Variants in CSMD3 observed in about 807,000 individuals in gnomAD.
The protein encoded by CSMD3 is CUB and Sushi multiple domains 3.
Under a neutral mutation model 435.2 loss-of-function variants are expected in CSMD3, and 177 were observed. The observed-to-expected ratio is 0.41, with a 90% CI of 0.36 to 0.46. The LOEUF (loss-of-function observed/expected upper bound fraction) is 0.46, where lower values mean the gene tolerates loss of function less well. CSMD3 is among the 20% of genes least tolerant of loss of function. The pLI is 0.34. For missense variants in CSMD3, 4,265 were observed against 4,504.6 expected (o/e 0.95, Z 1.52); for synonymous variants, 1,656 against 1,520.5 (o/e 1.09, Z -2.07).
chr8:113,038,180 T>C (rs775905497), intron 5 of CSMD3, among the ~76,000 whole-genome samples: 7 of 152,108 alleles, frequency 4.6e-5, no homozygotes, highest in Admixed American at 2.0e-4. Context: ...TATTTAAAGA[T>C]ATCAAAGATG....
At chr8:113,236,255 A>G (rs2093147638) in intron 3 of CSMD3, among the ~76,000 whole-genome samples, 1 of 152,184 alleles carries the variant, frequency 6.6e-6, no homozygotes, top group Non-Finnish European at 1.5e-5. Context: ...ATATGTATAT[A>G]CAGCTACCAT....
Position 112,319,983 on chromosome 8 carries a change from T to C in CSMD3, c.7166-2A>G. The stretch of plus-strand genomic sequence containing the variant: ...GTTGGCACACCCTTAGTTGATAGGC[T>C]ACAAAAATAAACAAAGTGTTTATTC... On this transcript the variant is annotated splice_acceptor_variant, in intron 45 of 70. Transcript: ENST00000297405. LOFTEE classifies it high-confidence loss of function. The C allele has an allele frequency of 6.2e-7, 1 of 1,604,448 alleles. No individual in the cohort carries two copies. The highest frequency in any genetic ancestry group is 8.5e-7 in the Non-Finnish European group (1 of 1,171,534).
chr8:112,378,794 A>G (rs1039994443), intron 38 of CSMD3, among the ~76,000 whole-genome samples: 6 of 151,996 alleles, frequency 3.9e-5, no homozygotes, highest in African/African-American at 1.5e-4. Flanking sequence ...TAATGAGAAG[A>G]AAGATTTGAA....
chr8:113,118,018 T>C (rs2090887161), intron 4 of CSMD3, among the ~76,000 whole-genome samples: 3 of 152,212 alleles, frequency 2.0e-5, no homozygotes, highest in Non-Finnish European at 2.9e-5. Context: ...ACTTTTTGGG[T>C]TACTGCTGGA....
At chr8:112,422,070 T>G (rs533919627) in intron 32 of CSMD3, among the ~76,000 whole-genome samples, 1 of 152,250 alleles carries the variant, frequency 6.6e-6, no homozygotes, top group Non-Finnish European at 1.5e-5. Flanking sequence ...GCCATTATCC[T>G]ATAGAGCATG....
rs1348372022 is a variant in CSMD3, at chr8:112,975,912, G to A, written c.1267C>T (p.Gln423Ter). 1 of 1,613,862 alleles carries A rather than the reference G, an allele frequency of 6.2e-7. No individual in the cohort carries two copies. The highest frequency in any genetic ancestry group is 8.5e-7 in the Non-Finnish European group (1 of 1,179,938). The change falls in exon 7 of 71, where the codon CAA (glutamine) becomes TAA (stop). Residue 423 changes from glutamine (Q) to a stop codon, truncating the protein, a stop_gained. Coordinates refer to ENST00000297405, the MANE Select transcript of CSMD3 (RefSeq NM_198123.2). LOFTEE classifies it high-confidence loss of function. ...TGTCTTGGTCTTCTCCTGGTACTTT[G>A]TGTATCTGCTGGATGAGGAGAGAGC... Reference protein sequence around the residue: ...DGLSPHPADTQSTRRRPRHAE... With the variant: ...DGLSPHPADT
chr8:112,411,969 A>T (rs898840594), intron 32 of CSMD3, among the ~76,000 whole-genome samples: 4 of 152,130 alleles, frequency 2.6e-5, no homozygotes, highest in Admixed American at 2.6e-4. Context: ...GTATAATGCA[A>T]TGGATTATTG....
intron 13 of CSMD3, among the ~76,000 whole-genome samples, chr8:112,790,871 A>G (rs1257047653): frequency 6.6e-6 from 1 of 152,184 alleles, no homozygotes; most frequent in Non-Finnish European, 1.5e-5. Context: ...TACAGCTTAC[A>G]CTAGCGTTCA....
rs1177455900 is a variant in CSMD3 at position 112,314,622 on chromosome 8, C to G, written c.7361-5G>C. On this transcript the variant is annotated splice_region_variant and splice_polypyrimidine_tract_variant and intron_variant, in intron 47 of 70. Coordinates refer to ENST00000297405, the MANE Select transcript of CSMD3 (RefSeq NM_198123.2). ...ATTCATTGGCAGGACAGAGCACTGT[C>G]AAAGAAAAATGTCATTAAATAATGC... is the stretch of plus-strand genomic sequence containing the variant. 2 of 1,607,014 alleles carry G rather than the reference C, an allele frequency of 1.2e-6. No homozygotes were observed. The highest frequency in any genetic ancestry group is 1.3e-5 in the African/African-American group (1 of 74,802).
intron 32 of CSMD3, among the ~76,000 whole-genome samples, chr8:112,414,271 C>G (rs1027203496): frequency 6.6e-6 from 1 of 152,110 alleles, no homozygotes; most frequent in Non-Finnish European, 1.5e-5. Flanking sequence ...ATCCCTATGT[C>G]CCCCTGAGAG....
At chr8:113,180,501 C>T (rs537091683) in intron 3 of CSMD3, among the ~76,000 whole-genome samples, 2 of 152,048 alleles carry the variant, frequency 1.3e-5, no homozygotes, top group East Asian at 1.9e-4. Flanking sequence ...TACTTCCTCA[C>T]CAGATTTTGA....
chr8:112,544,019 C>T (rs567545688), intron 27 of CSMD3, among the ~76,000 whole-genome samples: 5 of 152,148 alleles, frequency 3.3e-5, no homozygotes, highest in East Asian at 1.9e-4. Context: ...TCTAAAATAG[C>T]CAAATTAATA....
intron 3 of CSMD3, among the ~76,000 whole-genome samples, chr8:113,270,639 G>A (rs1473287250): frequency 6.6e-6 from 1 of 152,076 alleles, no homozygotes; most frequent in Non-Finnish European, 1.5e-5. Context: ...GGAATACTAT[G>A]CAGCCATAAA....
At chr8:112,386,649 C>T (rs975796449) in intron 36 of CSMD3, among the ~76,000 whole-genome samples, 8 of 152,094 alleles carry the variant, frequency 5.3e-5, no homozygotes, top group Admixed American at 1.3e-4. Context: ...AGGCGCCCGC[C>T]ACCACGCCCG....
At chr8:113,149,643 G>T (rs1489708034) in intron 4 of CSMD3, among the ~76,000 whole-genome samples, 1 of 151,844 alleles carries the variant, frequency 6.6e-6, no homozygotes, top group Non-Finnish European at 1.5e-5. Context: ...TGTACATGGT[G>T]TAATCCCAAA....
chr8:112,992,039 T>C (rs538007179), intron 6 of CSMD3, among the ~76,000 whole-genome samples: 2 of 151,860 alleles, frequency 1.3e-5, no homozygotes, highest in Non-Finnish European at 2.9e-5. Flanking sequence ...ATAATCAAAA[T>C]AGTAGATCCT....
At position 112,327,810 on chromosome 8, in the gene CSMD3, C is replaced by T. The variant is rs530500156; in HGVS notation, c.7165+7519G>A. 1.1e-3 allele frequency among the ~76,000 whole-genome samples: 165 copies of T among 152,228 alleles called. 2 individuals carry two copies. Among genetic ancestry groups the T allele is most frequent in the Middle Eastern group, 6.8e-3 (2 of 294 alleles). On this transcript the variant is annotated intron_variant, in intron 45 of 70. Coordinates refer to ENST00000297405, the MANE Select transcript of CSMD3 (RefSeq NM_198123.2). ...CCAAATGTGCATAGATATCTGGTTC[C>T]TCGTCCAACAAATATGCTTTTTGAA... is the stretch of plus-strand genomic sequence containing the variant.
At chr8:112,833,456 G>C (rs938405123) in intron 11 of CSMD3, among the ~76,000 whole-genome samples, 2 of 151,822 alleles carry the variant, frequency 1.3e-5, no homozygotes, top group African/African-American at 4.8e-5. Flanking sequence ...ATCTAACTAG[G>C]CACTGGATAA....
chr8:113,022,018 T>G (rs2086700621), intron 5 of CSMD3, among the ~76,000 whole-genome samples: 1 of 152,154 alleles, frequency 6.6e-6, no homozygotes, highest in Non-Finnish European at 1.5e-5. Context: ...ACATGGGCTT[T>G]GAAAATCACA....
Sources: gnomAD v4.1 joint callset for allele counts (sites outside exome capture counted in the v4.1 genomes callset) on GRCh38, gnomAD v4.1.1 for gene constraint, MANE v1.5 for transcripts, NCBI Gene and HGNC (gene_info 2026-07-23, HGNC 2026-07-21) for gene names.